VANGL1: variants seen among roughly 807,000 people sequenced by gnomAD.
VANGL1 encodes the protein vang-like protein 1.
In VANGL1, 18 loss-of-function variants were observed where a neutral mutation model predicts 48.4. The ratio of observed to expected loss-of-function variants is 0.37; its 90% CI spans 0.26 to 0.55. VANGL1 has a LOEUF of 0.55. VANGL1 is among the 20% of genes least tolerant of loss of function. VANGL1 has a pLI of 0.81. For missense variants in VANGL1, 667 were observed against 675.8 expected (o/e 0.99, Z 0.14); for synonymous variants, 257 against 261.8 (o/e 0.98, Z 0.18).
Position 115,664,404 on chromosome 1 carries a change from A to C in VANGL1, c.812+136A>C, listed in dbSNP as rs193079343. On this transcript the variant is annotated intron_variant, in intron 4 of 7. Coordinates refer to ENST00000355485, the MANE Select transcript of VANGL1 (RefSeq NM_138959.3). ...CTGACTCTTTTCTGGTTTGGGGAGG[A>C]GATGCGAGGGTGGGGAGGGTGTCCA... 578 of 1,368,614 alleles carry C rather than the reference A, an allele frequency of 4.2e-4. 6 individuals carry two copies. In the East Asian group the frequency reaches 0.012, roughly 27 times the overall value. The allele number at this position is 1,368,614 out of a possible 1,614,324, so 84.8% of individuals were successfully genotyped here.
Position 115,665,179 on chromosome 1 carries a change from C to T in VANGL1, c.812+911C>T, listed in dbSNP as rs542823522. On this transcript the variant is annotated intron_variant, in intron 4 of 7. Transcript: ENST00000355485. ...TTTTCCATCTGTTTTCTTCCACAGA[C>T]TATGAACTCCCTGAGGCCAGGGGCC... Among the ~76,000 whole-genome samples, 3 of 152,322 alleles carry T rather than the reference C, an allele frequency of 2.0e-5. No individual in the cohort carries two copies. In the South Asian group the frequency reaches 6.2e-4, roughly 32 times the overall value.
chr1:115,650,923 A>C (rs993716069), intron 1 of VANGL1, among the ~76,000 whole-genome samples: 2 of 151,910 alleles, frequency 1.3e-5, no homozygotes, highest in African/African-American at 4.8e-5. Flanking sequence ...TTTAACCAGC[A>C]AACTGGCAGT....
chr1:115,686,594 A>C (rs1653644813), intron 7 of VANGL1, among the ~76,000 whole-genome samples: 1 of 152,042 alleles, frequency 6.6e-6, no homozygotes, highest in African/African-American at 2.4e-5. Flanking sequence ...CCACCACTTA[A>C]TTGTTTTGTG....
chr1:115,694,877 G>T lies in VANGL1; in HGVS notation c.*3498G>T, dbSNP rs1469462418. On this transcript the variant is annotated 3_prime_UTR_variant, in exon 8 of 8. Coordinates refer to ENST00000355485, the MANE Select transcript of VANGL1 (RefSeq NM_138959.3). ...TGTAGCTCAGCAGATACGTGTCATTGTGTATATAGCTGAGTGTGTGAGGGT... is the reference window on the plus strand; with the variant it reads ...TGTAGCTCAGCAGATACGTGTCATTTTGTATATAGCTGAGTGTGTGAGGGT... The T allele has an allele frequency of 6.6e-6, 1 of 152,206 alleles. No homozygotes were observed. The highest frequency in any genetic ancestry group is 6.5e-5 in the Admixed American group (1 of 15,282). The allele number at this position is 152,206 out of a possible 1,614,324, so 9.4% of individuals were successfully genotyped here.
At chr1:115,660,199 G>A (rs542851223) in intron 3 of VANGL1, among the ~76,000 whole-genome samples, 21 of 152,312 alleles carry the variant, frequency 1.4e-4, no homozygotes, top group African/African-American at 4.8e-4. Flanking sequence ...TCAGATGCCT[G>A]GTAGAGAAAC....
At chr1:115,677,759 A>G (rs1282219314) in intron 4 of VANGL1, among the ~76,000 whole-genome samples, 1 of 152,162 alleles carries the variant, frequency 6.6e-6, no homozygotes, top group African/African-American at 2.4e-5. Flanking sequence ...TCCACAGTCT[A>G]TACTTCAGGC....
Position 115,641,998 on chromosome 1 carries a change from G to C in VANGL1, c.-226G>C, listed in dbSNP as rs116216703. On this transcript the variant is annotated 5_prime_UTR_variant, in exon 1 of 8. Transcript: ENST00000355485. ...GCAGCGGCGGCGGCGGCGGGGCTCTGCCTCTCCAGGAGCCCAGCGCAGGCC... is the reference window on the plus strand; with the variant it reads ...GCAGCGGCGGCGGCGGCGGGGCTCTCCCTCTCCAGGAGCCCAGCGCAGGCC... 0.12 allele frequency: 17,870 copies of C among 151,300 alleles called. 1,324 individuals are homozygous for C. Among genetic ancestry groups the C allele is most frequent in the South Asian group, 0.33 (1,793 of 5,462 alleles). 9.4% of individuals were successfully genotyped at this position (151,300 alleles called of 1,614,324 possible). A position where few individuals can be genotyped will look rare whatever the true frequency, so the allele number is the denominator to read the frequency against.
intron 3 of VANGL1, among the ~76,000 whole-genome samples, chr1:115,662,893 T>C (rs1266108259): frequency 6.6e-6 from 1 of 152,056 alleles, no homozygotes; most frequent in Non-Finnish European, 1.5e-5. Flanking sequence ...TTCAAGCGAT[T>C]CTCCTGCCTC....
chr1:115,667,071 G>C (rs1652821536), intron 4 of VANGL1, among the ~76,000 whole-genome samples: 1 of 152,224 alleles, frequency 6.6e-6, no homozygotes, highest in South Asian at 2.1e-4. Flanking sequence ...TCGGAAATCA[G>C]AATAGCAGGT....
rs1021279523 is a variant in VANGL1, at chr1:115,684,131, T to A, written c.1079+55T>A. On this transcript the variant is annotated intron_variant, in intron 6 of 7. Transcript: ENST00000355485. ...CTTACAGACTTTTAAATTTTTATTTTATTTATTTATTTATTTATTTATTTA... is the reference window on the plus strand; with the variant it reads ...CTTACAGACTTTTAAATTTTTATTTAATTTATTTATTTATTTATTTATTTA... 3.1e-6 allele frequency: 4 copies of A among 1,290,382 alleles called. No homozygotes were observed. In the African/African-American group the frequency reaches 6.3e-5, roughly 20 times the overall value. The allele number at this position is 1,290,382 out of a possible 1,614,324, so 79.9% of individuals were successfully genotyped here.
chr1:115,659,897 A>G (rs749712068), intron 3 of VANGL1, 124 bp downstream of exon 3: 6 of 1,338,466 alleles, frequency 4.5e-6, no homozygotes, highest in African/African-American at 1.4e-5. Flanking sequence ...TAGTTTATCT[A>G]TGTCCCATGG....
At chr1:115,677,024 A>G (rs937716836) in intron 4 of VANGL1, among the ~76,000 whole-genome samples, 3 of 152,254 alleles carry the variant, frequency 2.0e-5, no homozygotes, top group African/African-American at 7.2e-5. Flanking sequence ...GTCTGGGGCC[A>G]GAGTCTGCAC....
chr1:115,664,933 C>T (rs991804153), intron 4 of VANGL1, among the ~76,000 whole-genome samples: 3 of 152,118 alleles, frequency 2.0e-5, no homozygotes, highest in Admixed American at 2.0e-4. Flanking sequence ...TCAAGGTAAG[C>T]ACTTTATATA....
At chr1:115,670,639 G>A (rs916873645) in intron 4 of VANGL1, among the ~76,000 whole-genome samples, 2 of 152,206 alleles carry the variant, frequency 1.3e-5, no homozygotes, top group African/African-American at 4.8e-5. Context: ...TCCATCCCAT[G>A]TTCACGATGA....
At chr1:115,682,878 A>G (rs1653444270) in intron 5 of VANGL1, among the ~76,000 whole-genome samples, 1 of 152,224 alleles carries the variant, frequency 6.6e-6, no homozygotes, top group Non-Finnish European at 1.5e-5. Context: ...TAGTCCAGGC[A>G]TCTGGTGAGA....
chr1:115,669,292 C>T (rs1652893181), intron 4 of VANGL1, among the ~76,000 whole-genome samples: 1 of 152,240 alleles, frequency 6.6e-6, no homozygotes, highest in African/African-American at 2.4e-5. Context: ...TGCTGAAGCT[C>T]CCTTGTACCT....
chr1:115,695,781 G>C lies in VANGL1; in HGVS notation c.*4402G>C, dbSNP rs1654009774. 6.6e-6 allele frequency: 1 copy of C among 152,140 alleles called. No homozygotes were observed. The highest frequency in any genetic ancestry group is 1.5e-5 in the Non-Finnish European group (1 of 68,026). 9.4% of individuals were successfully genotyped at this position (152,140 alleles called of 1,614,324 possible). A position where few individuals can be genotyped will look rare whatever the true frequency, so the allele number is the denominator to read the frequency against. On this transcript the variant is annotated 3_prime_UTR_variant, in exon 8 of 8. Coordinates refer to ENST00000355485, the MANE Select transcript of VANGL1 (RefSeq NM_138959.3). ...GGGCTTGTCCAAGGTCTCATGTCTG[G>C]TTAACAGAATTTCAAACTAGATGTT...
intron 6 of VANGL1, among the ~76,000 whole-genome samples, 196 bp downstream of exon 6, chr1:115,684,272 G>A (rs962069353): frequency 1.3e-5 from 2 of 151,868 alleles, no homozygotes; most frequent in Non-Finnish European, 2.9e-5. Context: ...CCAAATAGCT[G>A]CGATCACAGG....
At chr1:115,688,330 T>A (rs1303926245) in intron 7 of VANGL1, among the ~76,000 whole-genome samples, 1 of 138,386 alleles carries the variant, frequency 7.2e-6, no homozygotes, top group African/African-American at 2.7e-5. Flanking sequence ...GATTAAGAGT[T>A]TTCATTAGTG....
Sources: allele counts gnomAD v4.1 joint callset (sites outside exome capture counted in the v4.1 genomes callset), GRCh38; gene constraint gnomAD v4.1.1; transcripts MANE v1.5; gene names NCBI Gene and HGNC (gene_info 2026-07-23, HGNC 2026-07-21).